Variants in TTC28 observed in about 807,000 individuals in gnomAD.
The protein encoded by TTC28 is tetratricopeptide repeat domain 28.
TTC28 carries 61 observed loss-of-function variants against 198.0 expected under a neutral mutation model. The ratio of observed to expected loss-of-function variants is 0.31; its 90% confidence interval spans 0.25 to 0.38. The LOEUF is 0.38. Among genes scored for constraint, TTC28 ranks in the 10% least tolerant of loss-of-function variants. TTC28 has a pLI of 1.00. For synonymous variants in TTC28, 1,171 were observed against 1,297.8 expected (o/e 0.90, Z 2.10); for missense variants, 2,678 against 3,164.0 (o/e 0.85, Z 3.69).
intron 6 of TTC28, among the ~76,000 whole-genome samples, chr22:28,134,043 G>C (rs1487128091): frequency 1.3e-5 from 2 of 152,192 alleles, no homozygotes; most frequent in Non-Finnish European, 2.9e-5. Context: ...AGCAACATTT[G>C]CTGTTCAGCA....
intron 2 of TTC28, among the ~76,000 whole-genome samples, chr22:28,363,706 T>C (rs1359154437): frequency 6.6e-6 from 1 of 152,154 alleles, no homozygotes; most frequent in Non-Finnish European, 1.5e-5. Context: ...CCCAAGATTA[T>C]GGGAACTCTT....
rs1188370393 is a variant in TTC28, at chr22:28,014,354, A to G, written c.4112T>C (p.Val1371Ala). 1 of 1,551,426 alleles carries G rather than the reference A, an allele frequency of 6.4e-7. No individual in the cohort carries two copies. The highest frequency in any genetic ancestry group is 1.4e-5 in the African/African-American group (1 of 73,004). ...QSMTSLFSNT[V>A]SPTQDGTSSL... is the part of the protein sequence containing the mutation. ...GGAGGTCCCGTCCTGGGTCGGTGAC[A>G]CAGTGTTACTGAACAGGCTCGTCAT... is the stretch of plus-strand genomic sequence containing the variant. Residue 1371 changes from valine to alanine, a missense_variant, in exon 14 of 23, where the codon GTG (valine) becomes GCG (alanine). Val to Ala is a moderately conservative substitution (Grantham distance 64, BLOSUM62 0). Transcript: ENST00000397906.
At chr22:28,187,426 A>G (rs1924301909) in intron 5 of TTC28, among the ~76,000 whole-genome samples, 1 of 152,230 alleles carries the variant, frequency 6.6e-6, no homozygotes, top group Non-Finnish European at 1.5e-5. Flanking sequence ...TTTTGGTATA[A>G]CAAAATTAAA....
chr22:28,013,345 G>A (rs1938231313), intron 14 of TTC28, among the ~76,000 whole-genome samples: 1 of 152,198 alleles, frequency 6.6e-6, no homozygotes, highest in Non-Finnish European at 1.5e-5. Flanking sequence ...CTACGCAAAG[G>A]CATCTGATGG....
chr22:28,659,694 C>G (rs547890617), intron 1 of TTC28, among the ~76,000 whole-genome samples: 2 of 152,164 alleles, frequency 1.3e-5, no homozygotes, highest in Admixed American at 1.3e-4. Context: ...CCTAGGAGTC[C>G]GAGGCTGGGG....
intron 12 of TTC28, among the ~76,000 whole-genome samples, chr22:28,086,630 A>G (rs1284883781): frequency 6.6e-6 from 1 of 152,184 alleles, no homozygotes. Context: ...AAACATATTC[A>G]AAAGCTAGCA....
chr22:28,423,964 T>C (rs1032862156), intron 2 of TTC28, among the ~76,000 whole-genome samples: 2 of 152,198 alleles, frequency 1.3e-5, no homozygotes, highest in African/African-American at 2.4e-5. Flanking sequence ...TCAACTCATA[T>C]GAATTAACCT....
intron 1 of TTC28, among the ~76,000 whole-genome samples, chr22:28,661,441 A>C (rs1177763201): frequency 6.6e-6 from 1 of 152,108 alleles, no homozygotes; most frequent in African/African-American, 2.4e-5. Flanking sequence ...ATTTTTAGAG[A>C]CTGGGTTTCA....
intron 6 of TTC28, among the ~76,000 whole-genome samples, chr22:28,141,436 G>A (rs962344544): frequency 6.6e-6 from 1 of 152,028 alleles, no homozygotes; most frequent in Admixed American, 6.6e-5. Context: ...ATGAACAAAC[G>A]AATAAAAGAC....
chr22:28,027,081 TATC>T (rs1194408825), intron 13 of TTC28, among the ~76,000 whole-genome samples: 2 of 152,122 alleles, frequency 1.3e-5, no homozygotes, highest in Admixed American at 1.3e-4. Context: ...CATACACACA[TATC>T]ATATATACAT....
At chr22:28,015,620 C>G (rs1389314763) in intron 13 of TTC28, among the ~76,000 whole-genome samples, 1 of 151,470 alleles carries the variant, frequency 6.6e-6, no homozygotes, top group Non-Finnish European at 1.5e-5. Flanking sequence ...GAGATGGGGT[C>G]TCACTGTGTT....
At chr22:28,246,165 T>C (rs1255225842) in intron 5 of TTC28, among the ~76,000 whole-genome samples, 1 of 152,192 alleles carries the variant, frequency 6.6e-6, no homozygotes, top group African/African-American at 2.4e-5. Flanking sequence ...AGGAATACAA[T>C]GTTTAATAAT....
intron 1 of TTC28, among the ~76,000 whole-genome samples, chr22:28,656,012 A>G (rs2051643413): frequency 6.6e-6 from 1 of 152,228 alleles, no homozygotes; most frequent in Non-Finnish European, 1.5e-5. Context: ...ATAAAATGTA[A>G]TACAAGAATT....
chr22:28,563,896 T>C (rs1198813764), intron 2 of TTC28, among the ~76,000 whole-genome samples: 2 of 152,200 alleles, frequency 1.3e-5, no homozygotes, highest in African/African-American at 4.8e-5. Flanking sequence ...ACAGCCCAAC[T>C]GTCCATTAAC....
At chr22:28,236,415 T>A (rs558478884) in intron 5 of TTC28, among the ~76,000 whole-genome samples, 3 of 152,302 alleles carry the variant, frequency 2.0e-5, no homozygotes, top group Admixed American at 2.0e-4. Context: ...AGGTAAAGAA[T>A]GAAAAGGATG....
chr22:28,172,538 T>C (rs1922782430), intron 5 of TTC28, among the ~76,000 whole-genome samples: 1 of 152,168 alleles, frequency 6.6e-6, no homozygotes, highest in Non-Finnish European at 1.5e-5. Flanking sequence ...GTTCTTCATT[T>C]CTCTAAATGC....
intron 2 of TTC28, among the ~76,000 whole-genome samples, chr22:28,477,488 C>G (rs897398641): frequency 3.3e-5 from 5 of 152,022 alleles, no homozygotes; most frequent in Non-Finnish European, 5.9e-5. Context: ...GTCAAATTCT[C>G]TTTTAAAAAA....
intron 2 of TTC28, among the ~76,000 whole-genome samples, chr22:28,367,925 G>A (rs2046273850): frequency 6.6e-6 from 1 of 151,854 alleles, no homozygotes. Flanking sequence ...GTAATAAAAA[G>A]CCTCCCATTA....
At chr22:28,619,662 A>C (rs1421257946) in intron 2 of TTC28, among the ~76,000 whole-genome samples, 1 of 152,228 alleles carries the variant, frequency 6.6e-6, no homozygotes, top group African/African-American at 2.4e-5. Context: ...GATTTCAAAA[A>C]ATTTCTGCAT....
Sources: gnomAD v4.1 joint callset for allele counts (sites outside exome capture counted in the v4.1 genomes callset) on GRCh38, gnomAD v4.1.1 for gene constraint, MANE v1.5 for transcripts, NCBI Gene and HGNC (gene_info 2026-07-23, HGNC 2026-07-21) for gene names.